Variants in MARK1 observed in about 807,000 individuals in gnomAD.
The protein encoded by MARK1 is microtubule affinity regulating kinase 1.
In MARK1, 40 loss-of-function variants were observed where a neutral mutation model predicts 96.3. The observed-to-expected ratio is 0.42, with a 90% CI of 0.32 to 0.54. The LOEUF is 0.54. MARK1 is among the 20% of genes least tolerant of loss of function. MARK1 has a pLI of 0.16. For missense variants in MARK1, 719 were observed against 984.6 expected (o/e 0.73, Z 3.61); for synonymous variants, 317 against 341.2 (o/e 0.93, Z 0.78).
intron 9 of MARK1, chr1:220,626,742 C>T (rs1003581787): frequency 3.0e-6 from 1 of 335,138 alleles, no homozygotes; most frequent in African/African-American, 2.2e-5. Context: ...GAATCGCTTG[C>T]ACCCTAGAGG....
intron 6 of MARK1, among the ~76,000 whole-genome samples, chr1:220,608,978 A>G (rs1221167528): frequency 6.6e-6 from 1 of 152,192 alleles, no homozygotes; most frequent in Non-Finnish European, 1.5e-5. Context: ...ACTTCCAAGT[A>G]TGTGGACGGT....
intron 13 of MARK1, among the ~76,000 whole-genome samples, chr1:220,647,415 T>C (rs1036703100): frequency 6.6e-6 from 1 of 151,252 alleles, no homozygotes; most frequent in African/African-American, 2.4e-5. Flanking sequence ...GCTGGCAAGG[T>C]TTCAGAGAAA....
intron 1 of MARK1, among the ~76,000 whole-genome samples, chr1:220,554,290 G>A (rs1234667456): frequency 6.6e-6 from 1 of 152,138 alleles, no homozygotes; most frequent in East Asian, 1.9e-4. Context: ...ATTTCCTATA[G>A]AAGGAAAGGT....
chr1:220,532,866 C>T (rs1266044489), intron 1 of MARK1, among the ~76,000 whole-genome samples: 1 of 151,882 alleles, frequency 6.6e-6, no homozygotes, highest in Non-Finnish European at 1.5e-5. Flanking sequence ...ATAAGCTGGG[C>T]ATGGTGGTGT....
At position 220,664,300 on chromosome 1, in the gene MARK1, A is replaced by G. The variant is rs1472367437; in HGVS notation, c.*2134A>G. 1 of 152,214 alleles carries G rather than the reference A, an allele frequency of 6.6e-6. No individual in the cohort carries two copies. The highest frequency in any genetic ancestry group is 1.5e-5 in the Non-Finnish European group (1 of 68,026). 9.4% of individuals were successfully genotyped at this position (152,214 alleles called of 1,614,324 possible). On this transcript the variant is annotated 3_prime_UTR_variant, in exon 18 of 18. Coordinates refer to ENST00000366917, the MANE Select transcript of MARK1 (RefSeq NM_018650.5). ...TTTTTCATTTTATGTGTTCATGACA[A>G]CATAAATATTTTTCAAAGATTTAGA...
At chr1:220,534,823 A>C (rs1165483619) in intron 1 of MARK1, among the ~76,000 whole-genome samples, 1 of 152,148 alleles carries the variant, frequency 6.6e-6, no homozygotes, top group Non-Finnish European at 1.5e-5. Context: ...AATGCTCTTA[A>C]GGTTCATCCA....
At chr1:220,650,782 G>A (rs1374082382) in intron 14 of MARK1, 62 bp downstream of exon 14, 16 of 1,163,624 alleles carry the variant, frequency 1.4e-5, no homozygotes, top group Non-Finnish European at 1.8e-5. Flanking sequence ...TGCCCTTGCT[G>A]AAATGCCTGC....
At chr1:220,622,584 T>G (rs1389575392) in intron 9 of MARK1, among the ~76,000 whole-genome samples, 3 of 152,238 alleles carry the variant, frequency 2.0e-5, no homozygotes, top group African/African-American at 7.2e-5. Flanking sequence ...CTGGCCGTTC[T>G]AAATTCCATA....
At chr1:220,611,134 T>C (rs1213396008) in intron 6 of MARK1, among the ~76,000 whole-genome samples, 1 of 152,212 alleles carries the variant, frequency 6.6e-6, no homozygotes, top group Non-Finnish European at 1.5e-5. Flanking sequence ...CATTTAAGTC[T>C]GCAGAAGTTG....
At chr1:220,533,398 A>T (rs1660463182) in intron 1 of MARK1, among the ~76,000 whole-genome samples, 1 of 152,104 alleles carries the variant, frequency 6.6e-6, no homozygotes, top group Admixed American at 6.5e-5. Flanking sequence ...TCCAGTTCAT[A>T]TAGAATTAGA....
intron 13 of MARK1, among the ~76,000 whole-genome samples, chr1:220,637,517 TA>T (rs1310198277): frequency 6.6e-6 from 1 of 151,906 alleles, no homozygotes; most frequent in Admixed American, 6.6e-5. Flanking sequence ...CTGTCTCTAC[TA>T]AAAATATAAA....
At chr1:220,655,171 T>G (rs978406003) in intron 16 of MARK1, among the ~76,000 whole-genome samples, 6 of 152,190 alleles carry the variant, frequency 3.9e-5, no homozygotes, top group African/African-American at 1.4e-4. Flanking sequence ...GCTGGCTTTT[T>G]TCAGATTCCC....
intron 6 of MARK1, among the ~76,000 whole-genome samples, chr1:220,606,789 C>T (rs1666106161): frequency 6.6e-6 from 1 of 152,172 alleles, no homozygotes; most frequent in African/African-American, 2.4e-5. Flanking sequence ...ATCCTTTCCC[C>T]ATTTCTTGTT....
At chr1:220,616,871 C>T (rs1245406343) in intron 7 of MARK1, among the ~76,000 whole-genome samples, 1 of 152,128 alleles carries the variant, frequency 6.6e-6, no homozygotes, top group Non-Finnish European at 1.5e-5. Context: ...AGTTTATCAT[C>T]TCATTTCTTA....
At chr1:220,633,573 T>C (rs1474258432) in intron 11 of MARK1, among the ~76,000 whole-genome samples, 1 of 152,156 alleles carries the variant, frequency 6.6e-6, no homozygotes, top group African/African-American at 2.4e-5. Context: ...CAGTTAATAG[T>C]ATGGTACAGT....
At chr1:220,533,992 G>A (rs906601034) in intron 1 of MARK1, among the ~76,000 whole-genome samples, 2 of 151,752 alleles carry the variant, frequency 1.3e-5, no homozygotes, top group Non-Finnish European at 2.9e-5. Flanking sequence ...ATATAACCCT[G>A]TTAACCTATC....
At chr1:220,640,737 G>C (rs764884048) in intron 13 of MARK1, among the ~76,000 whole-genome samples, 1 of 152,134 alleles carries the variant, frequency 6.6e-6, no homozygotes, top group African/African-American at 2.4e-5. Flanking sequence ...ATAAAGTGAG[G>C]TCAAGAGGGC....
chr1:220,654,269 C>G lies in MARK1; in HGVS notation c.1988+917C>G, dbSNP rs1364405244. ...CTATCATATAATCATTTCAGCTGAG[C>G]CTTCAATGATGGGTAAGAAATAATT... On this transcript the variant is annotated intron_variant, in intron 16 of 17. Coordinates refer to ENST00000366917, the MANE Select transcript of MARK1 (RefSeq NM_018650.5). This position sits in a 1 kb window ranked among gnomAD's most constrained non-coding sequence, Gnocchi z 4.0. Among the ~76,000 whole-genome samples the G allele has an allele frequency of 6.6e-6, 1 of 152,056 alleles. No individual in the cohort carries two copies. Among genetic ancestry groups the G allele is most frequent in the African/African-American group, 2.4e-5 (1 of 41,396 alleles).
At chr1:220,637,474 G>C (rs1198792405) in intron 13 of MARK1, among the ~76,000 whole-genome samples, 1 of 152,114 alleles carries the variant, frequency 6.6e-6, no homozygotes, top group Non-Finnish European at 1.5e-5. Context: ...GAGGTCAGGG[G>C]TTTGAGACCA....
Sources: gnomAD v4.1 joint callset for allele counts (sites outside exome capture counted in the v4.1 genomes callset) on GRCh38, gnomAD v4.1.1 for gene constraint, Gnocchi (gnomAD v3.1) non-coding constraint, MANE v1.5 for transcripts, NCBI Gene and HGNC (gene_info 2026-07-23, HGNC 2026-07-21) for gene names.